FAM111B: variants seen among roughly 807,000 people sequenced by gnomAD.
FAM111B encodes FAM111 trypsin like peptidase B.
A neutral mutation model predicts 2.8 loss-of-function variants in FAM111B; 1 was observed. The ratio of observed to expected loss-of-function variants is 0.36; its 90% CI spans 0.13 to 1.70. The LOEUF (loss-of-function observed/expected upper bound fraction) is 1.70. FAM111B is among the 40% of genes most tolerant of loss of function. The pLI, the probability that FAM111B is intolerant of heterozygous loss-of-function variation, is 0.35. For synonymous variants in FAM111B, 297 were observed against 295.6 expected (o/e 1.00, Z -0.05); for missense variants, 882 against 878.9 (o/e 1.00, Z -0.04).
At position 59,126,135 on chromosome 11, in the gene FAM111B, C is replaced by T; in HGVS notation, c.2038C>T (p.Leu680Phe). Residue 680 changes from leucine (L) to phenylalanine (F), a missense_variant, in exon 4 of 4, where the codon CTT becomes TTT. Leu to Phe is a conservative substitution (Grantham distance 22). Coordinates refer to ENST00000343597, the MANE Select transcript of FAM111B (RefSeq NM_198947.4). Reference sequence around the variant, plus strand: ...TCAACGAGGATTTAATGTGCATGCCCTTATTGAATTTGGTTATTCTATGGA... The same window carrying T: ...TCAACGAGGATTTAATGTGCATGCCTTTATTGAATTTGGTTATTCTATGGA... Reference protein sequence around the residue: ...FYQRGFNVHALIEFGYSMDSI... With the variant: ...FYQRGFNVHAFIEFGYSMDSI... 6.2e-7 allele frequency: 1 copy of T among 1,612,670 alleles called. No individual in the cohort carries two copies. Among genetic ancestry groups the T allele is most frequent in the Non-Finnish European group, 8.5e-7 (1 of 1,179,530 alleles).
At chr11:59,109,501 G>A in intron 2 of FAM111B, 39 bp from the exon 3 acceptor site, 1 of 589,474 alleles carries the variant, frequency 1.7e-6, no homozygotes, top group South Asian at 2.4e-5. Flanking sequence ...GTGTTTGAAA[G>A]TGGTTATTTC....
At chr11:59,112,691 C>T (rs1859778477) in intron 3 of FAM111B, among the ~76,000 whole-genome samples, 1 of 152,158 alleles carries the variant, frequency 6.6e-6, no homozygotes, top group Non-Finnish European at 1.5e-5. Flanking sequence ...TTTATTCATT[C>T]TCATAGGTAT....
At chr11:59,119,720 A>C (rs1859892081) in intron 3 of FAM111B, among the ~76,000 whole-genome samples, 1 of 152,258 alleles carries the variant, frequency 6.6e-6, no homozygotes. Context: ...ATCATGTTAA[A>C]TAATGAATCA....
chr11:59,123,467 G>T (rs79538926), intron 3 of FAM111B, among the ~76,000 whole-genome samples: 8,266 of 152,176 alleles, frequency 0.054, 562 homozygotes, highest in East Asian at 0.2. Flanking sequence ...TGTTGCAAAA[G>T]ATGTTTACAT....
rs776181435 is a variant in FAM111B at position 59,126,273 on chromosome 11, G to C, written c.2176G>C (p.Asp726His). 2.6e-6 allele frequency: 4 copies of C among 1,562,386 alleles called. No homozygotes were observed. The African/African-American group carries it at 5.5e-5, about 22-fold the overall frequency. Residue 726 changes from aspartate (D) to histidine (H), a missense_variant, in exon 4 of 4, where the codon GAT becomes CAT. Transcript: ENST00000343597. Reference protein sequence around the residue: ...EKGKQESSLQDHQIEPMEC With the variant: ...EKGKQESSLQHHQIEPMEC ...AGGTAAACAAGAGTCATCACTTCAAGATCATCAGATTGAACCCATGGAATG... is the reference window on the plus strand; with the variant it reads ...AGGTAAACAAGAGTCATCACTTCAACATCATCAGATTGAACCCATGGAATG...
rs35732637 is a variant in FAM111B at position 59,125,085 on chromosome 11, C to T, written c.988C>T (p.Leu330=). ...AGAGCAAATTCTCCCACCTCAGGAT[C>T]TAAGCCATTATATTAAAGATAAAAC... ...SREQILPPQD[L]SHYIKDKTRQ... is the part of the protein sequence containing the mutation. Residue 330 remains leucine, a synonymous_variant, in exon 4 of 4, where the codon CTA becomes TTA. Transcript: ENST00000343597. 0.02 allele frequency: 33,007 copies of T among 1,613,490 alleles called. 1,947 individuals carry two copies. The highest frequency in any genetic ancestry group is 0.19 in the East Asian group (8,405 of 44,874).
intron 1 of FAM111B, among the ~76,000 whole-genome samples, chr11:59,107,525 G>A (rs1859682373): frequency 6.6e-6 from 1 of 152,160 alleles, no homozygotes; most frequent in Non-Finnish European, 1.5e-5. Context: ...CGAGAGGGTC[G>A]TTTGACCCTG....
intron 3 of FAM111B, among the ~76,000 whole-genome samples, chr11:59,122,279 ATG>A (rs1565189532): frequency 6.6e-6 from 1 of 152,266 alleles, no homozygotes; most frequent in East Asian, 1.9e-4. Flanking sequence ...ACATATGTAT[ATG>A]TCCCTAAATA....
At chr11:59,110,836 T>C (rs917891890) in intron 3 of FAM111B, among the ~76,000 whole-genome samples, 4 of 152,174 alleles carry the variant, frequency 2.6e-5, no homozygotes, top group Admixed American at 2.6e-4. Context: ...ATAAGGAGAA[T>C]TCAAGAATAT....
At chr11:59,121,085 AC>A (rs1196231816) in intron 3 of FAM111B, among the ~76,000 whole-genome samples, 14 of 151,834 alleles carry the variant, frequency 9.2e-5, no homozygotes, top group Admixed American at 1.3e-4. Context: ...AAAAAAAAAA[AC>A]AATTATCCTG....
At position 59,107,822 on chromosome 11, in the gene FAM111B, C is replaced by G. The variant is rs1281481465; in HGVS notation, c.-132+526C>G. Among the ~76,000 whole-genome samples the G allele has an allele frequency of 5.9e-5, 9 of 152,124 alleles. No individual in the cohort carries two copies. In the South Asian group the frequency reaches 6.2e-4, roughly 11 times the overall value. On this transcript the variant is annotated intron_variant, in intron 1 of 3. Coordinates refer to ENST00000343597, the MANE Select transcript of FAM111B (RefSeq NM_198947.4). Reference sequence around the variant, plus strand: ...GTGCCTAGCAAGCTGCGTTTCTCCCCGAGGCACAGATTGAGGTATGGTAAT... The same window carrying G: ...GTGCCTAGCAAGCTGCGTTTCTCCCGGAGGCACAGATTGAGGTATGGTAAT...
intron 3 of FAM111B, among the ~76,000 whole-genome samples, chr11:59,116,404 T>C (rs367728209): frequency 1.1e-4 from 16 of 152,344 alleles, no homozygotes; most frequent in African/African-American, 3.8e-4. Flanking sequence ...TTTATTCTAA[T>C]TTTAATTCTA....
chr11:59,115,689 A>G (rs1231357339), intron 3 of FAM111B, among the ~76,000 whole-genome samples: 1 of 152,122 alleles, frequency 6.6e-6, no homozygotes, highest in African/African-American at 2.4e-5. Context: ...GTGCAGGCCC[A>G]GTGAGATATC....
chr11:59,109,007 C>A (rs537592761), intron 2 of FAM111B, among the ~76,000 whole-genome samples: 1 of 151,964 alleles, frequency 6.6e-6, no homozygotes, highest in African/African-American at 2.4e-5. Flanking sequence ...AGAACTAGGG[C>A]TAATTTTGTC....
Position 59,125,602 on chromosome 11 carries a change from C to G in FAM111B, c.1505C>G (p.Pro502Arg). 1 of 1,613,836 alleles carries G rather than the reference C, an allele frequency of 6.2e-7. No homozygotes were observed. Among genetic ancestry groups the G allele is most frequent in the South Asian group, 1.1e-5 (1 of 91,072 alleles). Reference sequence around the variant, plus strand: ...CTTATGGTGGGTAAAAACACACATCCAAGTTTGTGGCCAGATATAATTAGC... The same window carrying G: ...CTTATGGTGGGTAAAAACACACATCGAAGTTTGTGGCCAGATATAATTAGC... ...VHLMVGKNTHPSLWPDIISKC... is the reference protein window; with the variant it reads ...VHLMVGKNTHRSLWPDIISKC... The change falls in exon 4 of 4, where the codon CCA becomes CGA. Residue 502 changes from proline to arginine, a missense_variant. Physicochemically the swap from Pro to Arg is moderately radical, Grantham distance 103. Coordinates refer to ENST00000343597, the MANE Select transcript of FAM111B (RefSeq NM_198947.4).
intron 3 of FAM111B, among the ~76,000 whole-genome samples, chr11:59,121,832 C>G (rs1290858462): frequency 6.6e-6 from 1 of 152,178 alleles, no homozygotes; most frequent in African/African-American, 2.4e-5. Flanking sequence ...AGAATTTCAT[C>G]AACTAGAATG....
intron 3 of FAM111B, among the ~76,000 whole-genome samples, chr11:59,123,218 C>A (rs1859950237): frequency 6.6e-6 from 1 of 152,132 alleles, no homozygotes; most frequent in East Asian, 1.9e-4. Flanking sequence ...GAAAGGTGAT[C>A]TTTCAAATAT....
intron 3 of FAM111B, among the ~76,000 whole-genome samples, chr11:59,114,736 G>A (rs1405176070): frequency 6.6e-6 from 1 of 152,156 alleles, no homozygotes; most frequent in Non-Finnish European, 1.5e-5. Context: ...ATATACCAGT[G>A]AATACAGTGG....
At chr11:59,109,007 C>G (rs537592761) in intron 2 of FAM111B, among the ~76,000 whole-genome samples, 7 of 152,082 alleles carry the variant, frequency 4.6e-5, no homozygotes, top group African/African-American at 1.7e-4. Flanking sequence ...AGAACTAGGG[C>G]TAATTTTGTC....
Sources: allele counts gnomAD v4.1 joint callset (sites outside exome capture counted in the v4.1 genomes callset), GRCh38; gene constraint gnomAD v4.1.1; transcripts MANE v1.5; gene names NCBI Gene and HGNC (gene_info 2026-07-23, HGNC 2026-07-21).